Variants in UBE2W observed in about 807,000 individuals in gnomAD.
UBE2W encodes ubiquitin conjugating enzyme E2 W, also known as ubiquitin-conjugating enzyme E2 W.
A neutral mutation model predicts 27.2 loss-of-function variants in UBE2W; 18 were observed. That is an observed-to-expected ratio of 0.66 (90% CI 0.46 to 0.98). The LOEUF is 0.98. Among genes scored for constraint, UBE2W ranks in the 50% least tolerant of loss-of-function variants. The pLI, the probability that UBE2W is intolerant of heterozygous loss-of-function variation, is 0.00. For synonymous variants in UBE2W, 53 were observed against 57.2 expected (o/e 0.93, Z 0.33); for missense variants, 90 against 180.2 (o/e 0.50, Z 2.87).
chr8:73,827,631 G>T (rs1466142273), intron 2 of UBE2W, among the ~76,000 whole-genome samples: 1 of 152,166 alleles, frequency 6.6e-6, no homozygotes, highest in African/African-American at 2.4e-5. Flanking sequence ...CTGGGCTCAA[G>T]TGACTCCCCC....
chr8:73,799,417 GC>G (rs1475360001), intron 5 of UBE2W, among the ~76,000 whole-genome samples: 1 of 152,160 alleles, frequency 6.6e-6, no homozygotes, highest in Non-Finnish European at 1.5e-5. Flanking sequence ...GAGCTATGGA[GC>G]CCTTGTGTCT....
At chr8:73,841,301 T>A (rs28569995) in intron 1 of UBE2W, among the ~76,000 whole-genome samples, 4,777 of 152,192 alleles carry the variant, frequency 0.031, 230 homozygotes, top group African/African-American at 0.1. Context: ...ATTTTTTTTT[T>A]AAAACAGAAC....
chr8:73,811,438 T>C (rs918981198), intron 3 of UBE2W, among the ~76,000 whole-genome samples: 5 of 152,168 alleles, frequency 3.3e-5, no homozygotes, highest in African/African-American at 9.7e-5. Context: ...TAAATTCATA[T>C]ATCCTGAGGA....
In UBE2W at chr8:73,792,504, T is replaced by A. The variant is rs1563566826; in HGVS notation, c.*1598A>T. 2.0e-6 allele frequency: 2 copies of A among 985,214 alleles called. No individual in the cohort carries two copies. Among genetic ancestry groups the A allele is most frequent in the Admixed American group, 6.2e-5 (1 of 16,256 alleles). 61.0% of individuals were successfully genotyped at this position (985,214 alleles called of 1,614,324 possible). Reference sequence around the variant, plus strand: ...CATCTATACAGATTAAAAACAATTTTAAAATATTATTTACCAATTATTGAT... The same window carrying A: ...CATCTATACAGATTAAAAACAATTTAAAAATATTATTTACCAATTATTGAT... On this transcript the variant is annotated 3_prime_UTR_variant, in exon 6 of 6. Coordinates refer to ENST00000602593, the MANE Select transcript of UBE2W (RefSeq NM_018299.6).
rs535593045 is a variant in UBE2W, at chr8:73,847,608, C to G, written c.16-17136G>C. 2.7e-5 allele frequency among the ~76,000 whole-genome samples: 4 copies of G among 148,780 alleles called. No homozygotes were observed. The South Asian group carries it at 8.7e-4, about 32-fold the overall frequency. ...CAAATGTCCATCATCAACGGTAAAA[C>G]GGGTATATTGCGGCCGGGTGCTGTG... is the stretch of plus-strand genomic sequence containing the variant. On this transcript the variant is annotated intron_variant, in intron 1 of 5. Transcript: ENST00000602593.
intron 1 of UBE2W, among the ~76,000 whole-genome samples, chr8:73,865,762 C>T (rs1016602579): frequency 1.3e-4 from 19 of 151,932 alleles, no homozygotes; most frequent in African/African-American, 4.6e-4. Context: ...ATATATGTTC[C>T]TTTCATGTAG....
At chr8:73,873,949 CAGG>C (rs1167523717) in intron 1 of UBE2W, among the ~76,000 whole-genome samples, 1 of 152,110 alleles carries the variant, frequency 6.6e-6, no homozygotes, top group African/African-American at 2.4e-5. Context: ...CACAACGTAA[CAGG>C]AGGTTTTATC....
At chr8:73,878,744 G>A (rs1812352493) in intron 1 of UBE2W, 64 bp downstream of exon 1, 4 of 1,427,716 alleles carry the variant, frequency 2.8e-6, no homozygotes, top group East Asian at 2.5e-5. Flanking sequence ...CGCCACCCCC[G>A]CCCGAACGCT....
At chr8:73,810,338 A>G in intron 4 of UBE2W, 136 bp downstream of exon 4, 1 of 909,150 alleles carries the variant, frequency 1.1e-6, no homozygotes. Flanking sequence ...ATTTATTACT[A>G]AACATGAAAT....
Position 73,791,254 on chromosome 8 carries a change from C to G in UBE2W, c.*2848G>C, listed in dbSNP as rs1325396544. ...CTCTCTAAACCTATGGCATTAATCC[C>G]TACTTGACCAAAGAAAAAAAAAAAA... On this transcript the variant is annotated 3_prime_UTR_variant, in exon 6 of 6. Transcript: ENST00000602593. 3.1e-6 allele frequency: 3 copies of G among 980,880 alleles called. No individual in the cohort carries two copies. Among genetic ancestry groups the G allele is most frequent in the Non-Finnish European group, 3.6e-6 (3 of 829,234 alleles). The allele number at this position is 980,880 out of a possible 1,614,324, so 60.8% of individuals were successfully genotyped here. A position where few individuals can be genotyped will look rare whatever the true frequency, so the allele number is the denominator to read the frequency against.
chr8:73,796,191 G>A lies in UBE2W; in HGVS notation c.443-2076C>T, dbSNP rs549972786. On this transcript the variant is annotated intron_variant, in intron 5 of 5. Transcript: ENST00000602593. ...ATATTAATAAGTTCCTTAAAACATC[G>A]CTTCTGCAATAGAGTAACAATAGGG... Among the ~76,000 whole-genome samples the A allele has an allele frequency of 2.3e-4, 35 of 151,346 alleles. No individual in the cohort carries two copies. The South Asian group carries it at 4.0e-3, about 17-fold the overall frequency.
Position 73,792,677 on chromosome 8 carries a change from C to T in UBE2W, c.*1425G>A, listed in dbSNP as rs1808252439. 1 of 985,218 alleles carries T rather than the reference C, an allele frequency of 1.0e-6. No individual in the cohort carries two copies. Among genetic ancestry groups the T allele is most frequent in the Non-Finnish European group, 1.2e-6 (1 of 829,538 alleles). 61.0% of individuals were successfully genotyped at this position (985,218 alleles called of 1,614,324 possible). A position where few individuals can be genotyped will look rare whatever the true frequency, so the allele number is the denominator to read the frequency against. Reference sequence around the variant, plus strand: ...AGTAAAAATAACATTGTAGTAGAAACAGATTTTGCATATGTGAAAAGGTAA... The same window carrying T: ...AGTAAAAATAACATTGTAGTAGAAATAGATTTTGCATATGTGAAAAGGTAA... On this transcript the variant is annotated 3_prime_UTR_variant, in exon 6 of 6. Coordinates refer to ENST00000602593, the MANE Select transcript of UBE2W (RefSeq NM_018299.6).
chr8:73,825,930 A>G (rs1045609674), intron 2 of UBE2W, among the ~76,000 whole-genome samples: 2 of 152,244 alleles, frequency 1.3e-5, no homozygotes, highest in African/African-American at 2.4e-5. Context: ...TATTCTATAC[A>G]TAACATCAAA....
chr8:73,845,204 G>A (rs910102515), intron 1 of UBE2W, among the ~76,000 whole-genome samples: 1 of 152,242 alleles, frequency 6.6e-6, no homozygotes, highest in Non-Finnish European at 1.5e-5. Flanking sequence ...CACCCTGTCT[G>A]GGAGGTGTAC....
At chr8:73,844,603 C>T (rs1053510261) in intron 1 of UBE2W, among the ~76,000 whole-genome samples, 32 of 151,782 alleles carry the variant, frequency 2.1e-4, no homozygotes, top group African/African-American at 7.0e-4. Context: ...TCTGCCTGGC[C>T]GCCCATCGTC....
In UBE2W at chr8:73,858,276, G is replaced by C. The variant is rs565413951; in HGVS notation, c.15+20532C>G. On this transcript the variant is annotated intron_variant, in intron 1 of 5. Coordinates refer to ENST00000602593, the MANE Select transcript of UBE2W (RefSeq NM_018299.6). Reference sequence around the variant, plus strand: ...CTTAGGAGGCTGAGGCAGGAGAACTGCTTGAACCTGGGAGGCGGAGGCTGC... The same window carrying C: ...CTTAGGAGGCTGAGGCAGGAGAACTCCTTGAACCTGGGAGGCGGAGGCTGC... Among the ~76,000 whole-genome samples, 34 of 150,184 alleles carry C rather than the reference G, an allele frequency of 2.3e-4. 1 individual carries two copies. The South Asian group carries it at 6.7e-3, about 30-fold the overall frequency.
downstream of UBE2W, among the ~76,000 whole-genome samples, chr8:73,784,524 C>T (rs1231458375): frequency 6.6e-6 from 1 of 152,118 alleles, no homozygotes; most frequent in Non-Finnish European, 1.5e-5. Context: ...TGTCTTATTT[C>T]CTAGAATGTG....
At chr8:73,824,134 C>A (rs1045353457) in intron 3 of UBE2W, among the ~76,000 whole-genome samples, 6 of 152,142 alleles carry the variant, frequency 3.9e-5, no homozygotes, top group African/African-American at 1.4e-4. Flanking sequence ...TGTTATAATT[C>A]TCTGAAGAAT....
chr8:73,838,725 T>C (rs571698986), intron 1 of UBE2W, among the ~76,000 whole-genome samples: 6 of 152,336 alleles, frequency 3.9e-5, no homozygotes, highest in African/African-American at 1.4e-4. Flanking sequence ...ATCAAAAGGA[T>C]GCTCAAGAGA....
Sources: gnomAD v4.1 joint callset for allele counts (sites outside exome capture counted in the v4.1 genomes callset) on GRCh38, gnomAD v4.1.1 for gene constraint, MANE v1.5 for transcripts, NCBI Gene and HGNC (gene_info 2026-07-23, HGNC 2026-07-21) for gene names.